OPALIN: variants seen among roughly 807,000 people sequenced by gnomAD.
The protein encoded by OPALIN is transmembrane protein 10.
Under a neutral mutation model 17.8 loss-of-function variants are expected in OPALIN, and 15 were observed. The ratio of observed to expected loss-of-function variants is 0.84; its 90% CI spans 0.56 to 1.29. The LOEUF (loss-of-function observed/expected upper bound fraction) is 1.29, where lower values mean the gene tolerates loss of function less well. Ranked by LOEUF, OPALIN falls within the 50% of genes most tolerant of loss-of-function variation. The probability of loss-of-function intolerance (pLI) is 0.00; values close to 1 mark genes in which losing one functional copy is unlikely to be tolerated. For missense variants in OPALIN, 170 were observed against 176.0 expected, an observed-to-expected ratio of 0.97 and a Z score of 0.19; for synonymous variants, 62 against 63.8, an observed-to-expected ratio of 0.97 and a Z score of 0.14.
At chr10:96,356,156 C>T (rs1367482020) in intron 1 of OPALIN, among the ~76,000 whole-genome samples, 1 of 152,164 alleles carries the variant, frequency 6.6e-6, no homozygotes, top group African/African-American at 2.4e-5. Context: ...GGACTCTCAG[C>T]CCCTTGGGTC....
intron 1 of OPALIN, chr10:96,357,012 T>C (rs1845849592): frequency 1.0e-6 from 1 of 985,498 alleles, no homozygotes; most frequent in African/African-American, 1.7e-5. Flanking sequence ...GACAGCACTG[T>C]GCACCTCTGC....
At chr10:96,349,645 G>A in intron 4 of OPALIN, 62 bp downstream of exon 4, 1 of 1,560,204 alleles carries the variant, frequency 6.4e-7, no homozygotes, top group Non-Finnish European at 8.7e-7. Context: ...TAGTCCAAAA[G>A]CCAGTTCACT....
Position 96,345,176 on chromosome 10 carries a change from G to A in OPALIN, c.*765C>T, listed in dbSNP as rs1482742334. On this transcript the variant is annotated 3_prime_UTR_variant, in exon 6 of 6. Coordinates refer to ENST00000371172, the MANE Select transcript of OPALIN (RefSeq NM_033207.5). The stretch of plus-strand genomic sequence containing the variant: ...CAGGCAAGCAATATGGGAAGAGGTA[G>A]GAAGAAGGTGGTAGAGAGAGAGAAC... 1.3e-5 allele frequency: 2 copies of A among 152,208 alleles called. No individual in the cohort carries two copies. Among genetic ancestry groups the A allele is most frequent in the Non-Finnish European group, 2.9e-5 (2 of 68,042 alleles). The allele number at this position is 152,208 out of a possible 1,614,324, so 9.4% of individuals were successfully genotyped here.
chr10:96,358,088 T>C (rs1464765655), intron 1 of OPALIN, among the ~76,000 whole-genome samples: 1 of 149,124 alleles, frequency 6.7e-6, no homozygotes, highest in East Asian at 2.0e-4. Context: ...CCAAGATAGG[T>C]TTTTGCTCAC....
intron 1 of OPALIN, chr10:96,356,911 T>TGACA: frequency 1.0e-6 from 1 of 985,378 alleles, no homozygotes; most frequent in Non-Finnish European, 1.2e-6. Context: ...CACCAGAACC[T>TGACA]GAGTGTCCCG....
chr10:96,351,413 G>T lies in OPALIN; in HGVS notation c.40-3C>A. On this transcript the variant is annotated splice_polypyrimidine_tract_variant and splice_region_variant and intron_variant, in intron 2 of 5. Transcript: ENST00000371172. The stretch of plus-strand genomic sequence containing the variant: ...CCACCTGTGACAGGAGAGGACGTCT[G>T]TATGGAAAAAGAACATATATTGTAA... 1 of 1,537,696 alleles carries T rather than the reference G, an allele frequency of 6.5e-7. No individual in the cohort carries two copies. Among genetic ancestry groups the T allele is most frequent in the Non-Finnish European group, 8.8e-7 (1 of 1,137,296 alleles).
Position 96,345,841 on chromosome 10 carries a change from T to C in OPALIN, c.*100A>G, listed in dbSNP as rs1190208531. Reference sequence around the variant, plus strand: ...CCAGAGCTGTAAATGAAATTTGGATTGATTAAGAAGCAGCTTGGCATCTTT... The same window carrying C: ...CCAGAGCTGTAAATGAAATTTGGATCGATTAAGAAGCAGCTTGGCATCTTT... On this transcript the variant is annotated 3_prime_UTR_variant, in exon 6 of 6. Transcript: ENST00000371172. The C allele has an allele frequency of 2.0e-5, 24 of 1,175,680 alleles. No individual in the cohort carries two copies. Among genetic ancestry groups the C allele is most frequent in the Non-Finnish European group, 2.7e-5 (22 of 823,700 alleles). 72.8% of individuals were successfully genotyped at this position (1,175,680 alleles called of 1,614,324 possible).
intron 4 of OPALIN, 21 bp downstream of exon 4, chr10:96,349,686 C>T (rs763247298): frequency 1.6e-5 from 26 of 1,609,592 alleles, no homozygotes; most frequent in South Asian, 3.3e-5. Flanking sequence ...TACATCTGGA[C>T]CCAAAGAAGC....
At chr10:96,354,310 C>T (rs1160559722) in intron 2 of OPALIN, among the ~76,000 whole-genome samples, 1 of 152,094 alleles carries the variant, frequency 6.6e-6, no homozygotes, top group African/African-American at 2.4e-5. Context: ...CAACTAAATG[C>T]CATAATCAAG....
intron 2 of OPALIN, 68 bp downstream of exon 2, chr10:96,355,187 G>A: frequency 7.7e-7 from 1 of 1,290,878 alleles, no homozygotes; most frequent in East Asian, 2.7e-5. Context: ...GTGAGTTCTG[G>A]AGACCTACTG....
chr10:96,354,823 C>T lies in OPALIN; in HGVS notation c.39+432G>A, dbSNP rs967456953. Among the ~76,000 whole-genome samples, 71 of 151,226 alleles carry T rather than the reference C, an allele frequency of 4.7e-4. 1 individual carries two copies. Among genetic ancestry groups the T allele is most frequent in the African/African-American group, 1.6e-3 (65 of 40,670 alleles). On this transcript the variant is annotated intron_variant, in intron 2 of 5. Coordinates refer to ENST00000371172, the MANE Select transcript of OPALIN (RefSeq NM_033207.5). ...GAAAGTTTATGTAAATGGCCGGGCA[C>T]GGTGGCTCACACCTATAATCCCAGC...
chr10:96,356,852 C>A, intron 1 of OPALIN: 1 of 982,422 alleles, frequency 1.0e-6, no homozygotes, highest in Non-Finnish European at 1.2e-6. Flanking sequence ...AATAACCAAG[C>A]CTCAAGAATT....
At chr10:96,349,466 T>C (rs919794739) in intron 4 of OPALIN, among the ~76,000 whole-genome samples, 2 of 152,242 alleles carry the variant, frequency 1.3e-5, no homozygotes, top group African/African-American at 4.8e-5. Context: ...CTACTTTTTG[T>C]TACCCCAAAT....
At position 96,343,417 on chromosome 10, in the gene OPALIN, A is replaced by C. The variant is rs1845173773; in HGVS notation, c.*2524T>G. On this transcript the variant is annotated 3_prime_UTR_variant, in exon 6 of 6. Transcript: ENST00000371172. ...ACAAGTCATCCCTCACTTTATAGCT[A>C]CATGGCTTAGTCACATGCATATTTC... is the stretch of plus-strand genomic sequence containing the variant. The C allele has an allele frequency of 6.6e-6, 1 of 152,256 alleles. No individual in the cohort carries two copies. Among genetic ancestry groups the C allele is most frequent in the Non-Finnish European group, 1.5e-5 (1 of 68,042 alleles). The allele number at this position is 152,256 out of a possible 1,614,324, so 9.4% of individuals were successfully genotyped here.
intron 5 of OPALIN, 55 bp downstream of exon 5, chr10:96,348,234 C>T: frequency 1.2e-6 from 1 of 845,840 alleles, no homozygotes. Context: ...CTTTCAAACA[C>T]TTAGCTTGTT....
chr10:96,346,308 TGAGGA>T (rs1231550826), intron 5 of OPALIN, among the ~76,000 whole-genome samples, 191 bp from the exon 6 acceptor site: 2 of 152,124 alleles, frequency 1.3e-5, no homozygotes, highest in Non-Finnish European at 2.9e-5. Flanking sequence ...AGAAAACAAA[TGAGGA>T]GAGACCCACA....
Position 96,356,778 on chromosome 10 carries a change from G to A in OPALIN, c.4-1488C>T, listed in dbSNP as rs951701433. On this transcript the variant is annotated intron_variant, in intron 1 of 5. Transcript: ENST00000371172. ...CAACGTGGCCCTGCTCAACTAGCAC[G>A]CTTCAGTGGTGCCTCTGCTCACTTC... The A allele has an allele frequency of 3.2e-5, 18 of 568,374 alleles. No homozygotes were observed. The Admixed American group carries it at 7.0e-4, about 22-fold the overall frequency. 35.2% of individuals were successfully genotyped at this position (568,374 alleles called of 1,614,324 possible). A position where few individuals can be genotyped will look rare whatever the true frequency, so the allele number is the denominator to read the frequency against.
At position 96,358,186 on chromosome 10, in the gene OPALIN, TAAA is replaced by T. The variant is rs61616596; in HGVS notation, c.3+705_3+707del. Among the ~76,000 whole-genome samples, 395 of 61,568 alleles carry T rather than the reference TAAA, an allele frequency of 6.4e-3. 1 individual carries two copies. Among genetic ancestry groups the T allele is most frequent in the Non-Finnish European group, 9.8e-3 (324 of 32,946 alleles). The allele number at this position is 61,568 out of a possible 152,430, so 40.4% of individuals were successfully genotyped here. ...CTACTCCTTTTAACAATGCTTTTTG[TAAA>T]AAAAAAAAAAAAAAAAAAAAAAAAA... On this transcript the variant is annotated intron_variant, in intron 1 of 5. Coordinates refer to ENST00000371172, the MANE Select transcript of OPALIN (RefSeq NM_033207.5).
At chr10:96,358,809 T>A in intron 1 of OPALIN, 85 bp downstream of exon 1, 1 of 1,386,686 alleles carries the variant, frequency 7.2e-7, no homozygotes, top group Non-Finnish European at 1.0e-6. Flanking sequence ...GTCCCTTTAC[T>A]TCATTGTACA....
Sources: gnomAD v4.1 joint callset for allele counts (sites outside exome capture counted in the v4.1 genomes callset) on GRCh38, gnomAD v4.1.1 for gene constraint, MANE v1.5 for transcripts, NCBI Gene and HGNC (gene_info 2026-07-23, HGNC 2026-07-21) for gene names.